Variants in DCLK2 observed in about 807,000 individuals in gnomAD.
The protein encoded by DCLK2 is serine/threonine-protein kinase DCLK2.
DCLK2 carries 31 observed loss-of-function variants against 78.4 expected under a neutral mutation model. The observed-to-expected ratio is 0.40, with a 90% CI of 0.30 to 0.53. DCLK2 has a LOEUF of 0.53. Among genes scored for constraint, DCLK2 ranks in the 20% least tolerant of loss-of-function variants. The pLI, the probability that DCLK2 is intolerant of heterozygous loss-of-function variation, is 0.61. For missense variants in DCLK2, 872 were observed against 973.7 expected, an observed-to-expected ratio of 0.90 and a Z score of 1.39; for synonymous variants, 407 against 374.9, an observed-to-expected ratio of 1.09 and a Z score of -0.99.
intron 2 of DCLK2, among the ~76,000 whole-genome samples, chr4:150,191,463 C>A (rs184287404): frequency 2.0e-5 from 3 of 151,946 alleles, no homozygotes; most frequent in African/African-American, 7.3e-5. Context: ...GAAGTAGAGA[C>A]GCTTGAAAAC....
At chr4:150,144,872 C>A (rs1243688887) in intron 2 of DCLK2, among the ~76,000 whole-genome samples, 1 of 152,194 alleles carries the variant, frequency 6.6e-6, no homozygotes, top group Non-Finnish European at 1.5e-5. Flanking sequence ...AGGAGTGAGC[C>A]ACAATGCCTA....
At chr4:150,169,628 G>C (rs1246049886) in intron 2 of DCLK2, among the ~76,000 whole-genome samples, 2 of 149,838 alleles carry the variant, frequency 1.3e-5, no homozygotes, top group Non-Finnish European at 2.9e-5. Context: ...TTGCACTCCA[G>C]CTGGGTGACA....
intron 2 of DCLK2, among the ~76,000 whole-genome samples, chr4:150,138,587 C>T (rs531573169): frequency 3.9e-5 from 6 of 152,298 alleles, no homozygotes; most frequent in Non-Finnish European, 8.8e-5. Context: ...TTAGAACAGG[C>T]CAGGCACTGT....
intron 15 of DCLK2, among the ~76,000 whole-genome samples, chr4:150,254,097 T>C (rs561660793): frequency 1.3e-5 from 2 of 152,274 alleles, no homozygotes; most frequent in South Asian, 4.1e-4. Context: ...CAGGACGGCC[T>C]CCCATGTACC....
chr4:150,203,967 G>A, intron 5 of DCLK2, 78 bp downstream of exon 5: 1 of 1,354,300 alleles, frequency 7.4e-7, no homozygotes, highest in South Asian at 1.2e-5. Flanking sequence ...AATTTGTTTG[G>A]GGGCTTGAGT....
intron 1 of DCLK2, among the ~76,000 whole-genome samples, chr4:150,094,441 C>T (rs57633531): frequency 0.016 from 2,479 of 152,218 alleles, 60 homozygotes; most frequent in African/African-American, 0.053. Context: ...CTACAAAGTG[C>T]GCTTGGACTC....
intron 15 of DCLK2, among the ~76,000 whole-genome samples, chr4:150,250,105 A>C (rs577835433): frequency 6.6e-5 from 10 of 152,346 alleles, no homozygotes; most frequent in African/African-American, 2.4e-4. Context: ...GAAACAGCCA[A>C]AGCTAAACAT....
chr4:150,136,401 A>G (rs1316007984), intron 2 of DCLK2, among the ~76,000 whole-genome samples: 1 of 152,212 alleles, frequency 6.6e-6, no homozygotes, highest in Non-Finnish European at 1.5e-5. Flanking sequence ...ACCCACAGTA[A>G]TTGAAGTACC....
chr4:150,146,304 A>T (rs1441889770), intron 2 of DCLK2, among the ~76,000 whole-genome samples: 1 of 151,768 alleles, frequency 6.6e-6, no homozygotes, highest in African/African-American at 2.4e-5. Flanking sequence ...GCAAAATCTC[A>T]GGTTCAACTT....
At chr4:150,203,990 T>C in intron 5 of DCLK2, 101 bp downstream of exon 5, 2 of 1,112,942 alleles carry the variant, frequency 1.8e-6, no homozygotes, top group Non-Finnish European at 2.6e-6. Context: ...AGTAGCAAAT[T>C]AAAAAGATTT....
chr4:150,233,981 C>T (rs140743243), intron 10 of DCLK2, among the ~76,000 whole-genome samples: 138 of 152,268 alleles, frequency 9.1e-4, no homozygotes, highest in Non-Finnish European at 1.6e-3. Flanking sequence ...TCTTTATTTC[C>T]ACCTTTCAGG....
At chr4:150,224,111 A>G (rs1741412450) in intron 7 of DCLK2, among the ~76,000 whole-genome samples, 1 of 152,184 alleles carries the variant, frequency 6.6e-6, no homozygotes, top group African/African-American at 2.4e-5. Context: ...GTTTCTTAAT[A>G]TTATAGTTAA....
At chr4:150,167,789 G>A (rs906348564) in intron 2 of DCLK2, among the ~76,000 whole-genome samples, 7 of 152,176 alleles carry the variant, frequency 4.6e-5, no homozygotes, top group African/African-American at 4.8e-5. Flanking sequence ...ATAAGATCTC[G>A]GAAGCTGGGC....
At position 150,200,360 on chromosome 4, in the gene DCLK2, G is replaced by T. The variant is rs535068067; in HGVS notation, c.961+2257G>T. ...TAAAACCACATTTTAGAGAGAAAAT[G>T]ATCTTTTTTATAAGAGATTAATTCA... On this transcript the variant is annotated intron_variant, in intron 4 of 15. Transcript: ENST00000296550. Among the ~76,000 whole-genome samples the T allele has an allele frequency of 4.6e-5, 7 of 152,270 alleles. 2 individuals carry two copies. The South Asian group carries it at 1.0e-3, about 23-fold the overall frequency.
intron 2 of DCLK2, among the ~76,000 whole-genome samples, chr4:150,168,420 C>T (rs959721606): frequency 6.6e-6 from 1 of 151,908 alleles, no homozygotes. Flanking sequence ...TAGCCCTCTT[C>T]CAAGTGTAAA....
intron 2 of DCLK2, among the ~76,000 whole-genome samples, chr4:150,111,949 G>A (rs560075117): frequency 6.6e-6 from 1 of 152,138 alleles, no homozygotes; most frequent in East Asian, 1.9e-4. Flanking sequence ...GGCTATCTTG[G>A]CTCTTTTTTG....
intron 15 of DCLK2, among the ~76,000 whole-genome samples, chr4:150,251,741 C>G (rs1744162322): frequency 9.9e-6 from 1 of 100,756 alleles, no homozygotes; most frequent in Non-Finnish European, 2.0e-5. Context: ...CACACCCGAA[C>G]ACACCCCACA....
chr4:150,153,003 C>G (rs144678047), intron 2 of DCLK2, among the ~76,000 whole-genome samples: 4 of 152,332 alleles, frequency 2.6e-5, no homozygotes, highest in Admixed American at 2.6e-4. Flanking sequence ...AGAGAATCTT[C>G]CCTCCTCTCC....
intron 2 of DCLK2, among the ~76,000 whole-genome samples, chr4:150,166,469 G>C (rs1463569796): frequency 1.3e-5 from 2 of 152,110 alleles, no homozygotes; most frequent in Non-Finnish European, 2.9e-5. Flanking sequence ...ACTCCAGCCT[G>C]AGTGACAGAG....
Sources: allele counts gnomAD v4.1 joint callset (sites outside exome capture counted in the v4.1 genomes callset), GRCh38; gene constraint gnomAD v4.1.1; transcripts MANE v1.5; gene names NCBI Gene and HGNC (gene_info 2026-07-23, HGNC 2026-07-21).